Variants in DPYD observed in about 807,000 individuals in gnomAD.
DPYD encodes dihydropyrimidine dehydrogenase, also known as dihydropyrimidine dehydrogenase [NADP(+)].
DPYD carries 109 observed loss-of-function variants against 116.2 expected under a neutral mutation model. The observed-to-expected ratio is 0.94, with a 90% CI of 0.80 to 1.10. The LOEUF (loss-of-function observed/expected upper bound fraction) is 1.10. Ranked by LOEUF, DPYD falls within the 50% of genes least tolerant of loss-of-function variation. The pLI, the probability that DPYD is intolerant of heterozygous loss-of-function variation, is 0.00. For missense variants in DPYD, 1,302 were observed against 1,254.5 expected (o/e 1.04, Z -0.57); for synonymous variants, 440 against 432.0 (o/e 1.02, Z -0.23).
intron 20 of DPYD, among the ~76,000 whole-genome samples, chr1:97,179,936 AT>A (rs1454413488): frequency 6.6e-6 from 1 of 152,130 alleles, no homozygotes; most frequent in Non-Finnish European, 1.5e-5. Context: ...AGGAAAGGAG[AT>A]GGATATTTCA....
intron 5 of DPYD, chr1:97,720,052 G>T (rs1250662263): frequency 2.0e-6 from 2 of 984,740 alleles, no homozygotes; most frequent in Non-Finnish European, 2.4e-6. Context: ...GTAGAACCAA[G>T]TAAGAGTTCC....
intron 18 of DPYD, among the ~76,000 whole-genome samples, chr1:97,267,109 T>A (rs1280250636): frequency 6.6e-6 from 1 of 152,174 alleles, no homozygotes; most frequent in Non-Finnish European, 1.5e-5. Flanking sequence ...TGCCACACTG[T>A]CTTCCACAAT....
At chr1:97,185,757 A>C (rs1265742175) in intron 20 of DPYD, among the ~76,000 whole-genome samples, 1 of 152,184 alleles carries the variant, frequency 6.6e-6, no homozygotes, top group South Asian at 2.1e-4. Context: ...ATGCTAAAAA[A>C]CATGAACAAA....
At chr1:97,548,344 C>G (rs186087317) in intron 12 of DPYD, among the ~76,000 whole-genome samples, 2 of 152,300 alleles carry the variant, frequency 1.3e-5, no homozygotes, top group Admixed American at 1.3e-4. Flanking sequence ...ACTTTTCTTC[C>G]TCAAGACCAC....
At chr1:97,651,217 G>C (rs1658561355) in intron 8 of DPYD, among the ~76,000 whole-genome samples, 1 of 152,008 alleles carries the variant, frequency 6.6e-6, no homozygotes, top group Admixed American at 6.6e-5. Flanking sequence ...TTTATGTCTT[G>C]GATGATAGAT....
intron 3 of DPYD, among the ~76,000 whole-genome samples, chr1:97,744,883 A>G (rs1664461798): frequency 6.6e-6 from 1 of 152,030 alleles, no homozygotes; most frequent in Admixed American, 6.6e-5. Context: ...GAAGTGTCAT[A>G]CATGTATGAG....
At chr1:97,842,975 T>C (rs1452978901) in intron 2 of DPYD, among the ~76,000 whole-genome samples, 2 of 152,122 alleles carry the variant, frequency 1.3e-5, no homozygotes, top group Non-Finnish European at 2.9e-5. Context: ...CTTCTTGTTC[T>C]GTACTCACTG....
chr1:97,451,945 TAG>T (rs1232835677), intron 13 of DPYD, among the ~76,000 whole-genome samples: 2 of 152,086 alleles, frequency 1.3e-5, no homozygotes, highest in Non-Finnish European at 2.9e-5. Context: ...CAGGATTTCT[TAG>T]CCAAGGAGGA....
intron 1 of DPYD, among the ~76,000 whole-genome samples, chr1:97,899,610 G>A (rs1673261253): frequency 6.6e-6 from 1 of 151,796 alleles, no homozygotes. Flanking sequence ...AGTGTATGCA[G>A]AATTCCAGTA....
chr1:97,480,554 C>T (rs1360463588), intron 13 of DPYD, among the ~76,000 whole-genome samples: 2 of 152,112 alleles, frequency 1.3e-5, no homozygotes, highest in African/African-American at 4.8e-5. Context: ...TATAGCTTAA[C>T]AAGATCAAGG....
intron 12 of DPYD, chr1:97,547,078 T>G: frequency 1.0e-6 from 1 of 954,954 alleles, no homozygotes; most frequent in South Asian, 1.3e-5. Flanking sequence ...GTGTAGTTTT[T>G]TTACTCTAGA....
At chr1:97,127,503 T>A (rs1369470178) in intron 20 of DPYD, among the ~76,000 whole-genome samples, 3 of 152,288 alleles carry the variant, frequency 2.0e-5, no homozygotes, top group African/African-American at 7.2e-5. Context: ...AAACCCCTCG[T>A]ATCCCATTCC....
chr1:97,519,820 G>GCCTC (rs1648506399), intron 12 of DPYD, among the ~76,000 whole-genome samples: 1 of 152,010 alleles, frequency 6.6e-6, no homozygotes, highest in Non-Finnish European at 1.5e-5. Context: ...AATACTTTGT[G>GCCTC]CCTCCCTACC....
In DPYD at chr1:97,520,904, T is replaced by C. The variant is rs1648606330; in HGVS notation, c.1525-4963A>G. On this transcript the variant is annotated intron_variant, in intron 12 of 22. Transcript: ENST00000370192. ...TGGGCATTTGGGTTGGTTTCAAGTC[T>C]TTGCAATTGTGAATAGTGCTTCAAT... Among the ~76,000 whole-genome samples, 9 of 152,136 alleles carry C rather than the reference T, an allele frequency of 5.9e-5. No homozygotes were observed. In the South Asian group the frequency reaches 1.9e-3, roughly 32 times the overall value.
At chr1:97,846,791 T>C (rs1184558731) in intron 2 of DPYD, among the ~76,000 whole-genome samples, 1 of 152,204 alleles carries the variant, frequency 6.6e-6, no homozygotes, top group Non-Finnish European at 1.5e-5. Flanking sequence ...AGGAAAACAA[T>C]CACATCATAC....
intron 1 of DPYD, among the ~76,000 whole-genome samples, chr1:97,897,802 A>T (rs1673155761): frequency 6.6e-6 from 1 of 151,848 alleles, no homozygotes; most frequent in African/African-American, 2.4e-5. Flanking sequence ...CTAATTTAAC[A>T]TCTGTGTCGG....
At chr1:97,301,279 A>C (rs1666844788) in intron 18 of DPYD, among the ~76,000 whole-genome samples, 2 of 152,076 alleles carry the variant, frequency 1.3e-5, no homozygotes, top group Non-Finnish European at 2.9e-5. Context: ...TACTGAAAAA[A>C]ATGTGTTCTA....
chr1:97,702,866 CAT>C (rs1020229210), intron 5 of DPYD, among the ~76,000 whole-genome samples: 46 of 151,656 alleles, frequency 3.0e-4, no homozygotes, highest in African/African-American at 1.1e-3. Flanking sequence ...GAGATGCAAA[CAT>C]TGAATTATTT....
At chr1:97,099,040 T>C (rs1650474683) in intron 20 of DPYD, among the ~76,000 whole-genome samples, 1 of 152,136 alleles carries the variant, frequency 6.6e-6, no homozygotes, top group Admixed American at 6.6e-5. Context: ...TTTAGCATGA[T>C]ATAGACACAG....
Sources: gnomAD v4.1 joint callset for allele counts (sites outside exome capture counted in the v4.1 genomes callset) on GRCh38, gnomAD v4.1.1 for gene constraint, MANE v1.5 for transcripts, NCBI Gene and HGNC (gene_info 2026-07-23, HGNC 2026-07-21) for gene names.